The following DKK2 variants were observed in gnomAD, a reference collection of about 807,000 sequenced individuals.
DKK2 encodes dickkopf-related protein 2.
Under a neutral mutation model 28.1 loss-of-function variants are expected in DKK2, and 11 were observed. The observed-to-expected ratio is 0.39, with a 90% CI of 0.25 to 0.65. The LOEUF (loss-of-function observed/expected upper bound fraction) is 0.65. DKK2 is among the 30% of genes least tolerant of loss of function. The probability of loss-of-function intolerance (pLI) is 0.47; values close to 1 mark genes in which losing one functional copy is unlikely to be tolerated. For synonymous variants in DKK2, 135 were observed against 126.5 expected, an observed-to-expected ratio of 1.07 and a Z score of -0.45; for missense variants, 326 against 335.5, an observed-to-expected ratio of 0.97 and a Z score of 0.22.
chr4:107,025,116 A>G (rs1723754380), intron 1 of DKK2, among the ~76,000 whole-genome samples: 1 of 152,148 alleles, frequency 6.6e-6, no homozygotes, highest in Non-Finnish European at 1.5e-5. Flanking sequence ...AGGTTGAAGA[A>G]GGGAAACTGA....
At chr4:107,026,171 T>G (rs1315866853) in intron 1 of DKK2, among the ~76,000 whole-genome samples, 1 of 152,222 alleles carries the variant, frequency 6.6e-6, no homozygotes, top group Non-Finnish European at 1.5e-5. Context: ...TTTTAGATAA[T>G]AAAGTTTCTT....
At chr4:107,023,514 G>C (rs1374693562) in intron 1 of DKK2, among the ~76,000 whole-genome samples, 1 of 152,016 alleles carries the variant, frequency 6.6e-6, no homozygotes, top group Non-Finnish European at 1.5e-5. Flanking sequence ...GAACACAGAG[G>C]ATTTTTAGGA....
intron 1 of DKK2, among the ~76,000 whole-genome samples, chr4:106,996,955 C>T (rs1389373098): frequency 6.6e-6 from 1 of 152,072 alleles, no homozygotes; most frequent in African/African-American, 2.4e-5. Flanking sequence ...ATGTAACCCC[C>T]GAACCTAAAA....
Position 107,035,761 on chromosome 4 carries a change from G to C in DKK2, c.-170C>G. ...CAGGACCCTATGAACTCAGTCTCACGCCTCAGGACAGAAATTAGCGGAACC... is the reference window on the plus strand; with the variant it reads ...CAGGACCCTATGAACTCAGTCTCACCCCTCAGGACAGAAATTAGCGGAACC... On this transcript the variant is annotated 5_prime_UTR_variant, in exon 1 of 4. Coordinates refer to ENST00000285311, the MANE Select transcript of DKK2 (RefSeq NM_014421.3). 1.6e-6 allele frequency: 1 copy of C among 640,100 alleles called. No individual in the cohort carries two copies. Among genetic ancestry groups the C allele is most frequent in the Non-Finnish European group, 2.7e-6 (1 of 372,360 alleles). 39.7% of individuals were successfully genotyped at this position (640,100 alleles called of 1,614,324 possible). A position where few individuals can be genotyped will look rare whatever the true frequency, so the allele number is the denominator to read the frequency against.
intron 1 of DKK2, among the ~76,000 whole-genome samples, chr4:106,929,825 G>A (rs756261038): frequency 6.6e-5 from 10 of 152,194 alleles, no homozygotes; most frequent in Admixed American, 1.3e-4. Context: ...AAAGTAAAGA[G>A]AGTTTAAGTA....
At position 106,949,082 on chromosome 4, in the gene DKK2, T is replaced by C. The variant is rs143547516; in HGVS notation, c.223-23133A>G. The stretch of plus-strand genomic sequence containing the variant: ...GGTATATAAATGATGATCTGTAAAA[T>C]AGCCAACACATATTTCAACATCTGC... On this transcript the variant is annotated intron_variant, in intron 1 of 3. Coordinates refer to ENST00000285311, the MANE Select transcript of DKK2 (RefSeq NM_014421.3). 1.8e-3 allele frequency among the ~76,000 whole-genome samples: 280 copies of C among 152,278 alleles called. 1 individual carries two copies. The highest frequency in any genetic ancestry group is 2.6e-3 in the Non-Finnish European group (175 of 68,030).
chr4:106,965,259 G>T lies in DKK2; in HGVS notation c.223-39310C>A, dbSNP rs960765535. On this transcript the variant is annotated intron_variant, in intron 1 of 3. Coordinates refer to ENST00000285311, the MANE Select transcript of DKK2 (RefSeq NM_014421.3). ...TTGAAATATGTCTTTGCCCTATTTT[G>T]TTAATATCCAGATAATTAATATTTT... Among the ~76,000 whole-genome samples the T allele has an allele frequency of 2.6e-5, 4 of 152,100 alleles. 1 individual carries two copies. In the South Asian group the frequency reaches 8.3e-4, roughly 32 times the overall value.
chr4:106,933,168 C>T (rs114301239), intron 1 of DKK2, among the ~76,000 whole-genome samples: 3,805 of 152,160 alleles, frequency 0.025, 61 homozygotes, highest in Non-Finnish European at 0.037. Context: ...GGTGATGATA[C>T]AATAAGGTAA....
At chr4:106,964,004 G>A (rs373287671) in intron 1 of DKK2, among the ~76,000 whole-genome samples, 155 of 152,154 alleles carry the variant, frequency 1.0e-3, no homozygotes, top group African/African-American at 3.5e-3. Flanking sequence ...CCTGTATTCT[G>A]TATTATGTTG....
intron 1 of DKK2, among the ~76,000 whole-genome samples, chr4:106,988,812 C>T (rs145764440): frequency 3.3e-5 from 5 of 152,306 alleles, no homozygotes; most frequent in East Asian, 3.9e-4. Context: ...CAAGGGTCAA[C>T]GGCTTTTGTT....
At chr4:107,020,762 G>A (rs533117739) in intron 1 of DKK2, among the ~76,000 whole-genome samples, 2 of 151,722 alleles carry the variant, frequency 1.3e-5, no homozygotes, top group South Asian at 4.2e-4. Flanking sequence ...TTTTTGACAG[G>A]CTTTGTGTGT....
chr4:106,972,927 C>T (rs751310803), intron 1 of DKK2, among the ~76,000 whole-genome samples: 1 of 152,044 alleles, frequency 6.6e-6, no homozygotes, highest in Non-Finnish European at 1.5e-5. Context: ...GAGTGATGTT[C>T]CCTTCTCTGG....
chr4:106,980,535 C>T (rs531463682), intron 1 of DKK2, among the ~76,000 whole-genome samples: 2 of 152,114 alleles, frequency 1.3e-5, no homozygotes, highest in Admixed American at 6.5e-5. Flanking sequence ...TAACTCATCC[C>T]AAAAGTATAA....
At chr4:106,983,376 AAAAG>A (rs1323578268) in intron 1 of DKK2, among the ~76,000 whole-genome samples, 1 of 112,268 alleles carries the variant, frequency 8.9e-6, no homozygotes, top group African/African-American at 3.7e-5. Context: ...AAGAAGAAAG[AAAAG>A]AAAGAAAAGA....
At chr4:106,996,580 C>T (rs1723275071) in intron 1 of DKK2, among the ~76,000 whole-genome samples, 1 of 152,202 alleles carries the variant, frequency 6.6e-6, no homozygotes, top group African/African-American at 2.4e-5. Context: ...TAACCTCACA[C>T]ACAAAATTAC....
chr4:106,967,259 C>T (rs1560582225), intron 1 of DKK2, among the ~76,000 whole-genome samples: 1 of 152,082 alleles, frequency 6.6e-6, no homozygotes, highest in African/African-American at 2.4e-5. Flanking sequence ...AGCCACCAAA[C>T]TTAGATAAGT....
At chr4:107,006,325 G>C (rs1723437457) in intron 1 of DKK2, among the ~76,000 whole-genome samples, 1 of 152,084 alleles carries the variant, frequency 6.6e-6, no homozygotes, top group South Asian at 2.1e-4. Context: ...GATTCAGAAG[G>C]AAGAATTTCA....
intron 1 of DKK2, among the ~76,000 whole-genome samples, chr4:106,978,707 A>T (rs1722980105): frequency 6.6e-6 from 1 of 151,882 alleles, no homozygotes; most frequent in African/African-American, 2.4e-5. Context: ...GAGCTAGACC[A>T]TTTGGCTCCC....
intron 1 of DKK2, among the ~76,000 whole-genome samples, chr4:106,956,779 G>C (rs1448182302): frequency 6.6e-6 from 1 of 151,396 alleles, no homozygotes; most frequent in Non-Finnish European, 1.5e-5. Context: ...TTAAACATTA[G>C]ACCTAAAACC....
Sources: gnomAD v4.1 joint callset for allele counts (sites outside exome capture counted in the v4.1 genomes callset) on GRCh38, gnomAD v4.1.1 for gene constraint, MANE v1.5 for transcripts, NCBI Gene and HGNC (gene_info 2026-07-23, HGNC 2026-07-21) for gene names.